Variants in NIPAL2 observed in about 807,000 individuals in gnomAD.
The protein encoded by NIPAL2 is NIPA like domain containing 2.
A neutral mutation model predicts 48.9 loss-of-function variants in NIPAL2; 43 were observed. That is an observed-to-expected ratio of 0.88 (90% confidence interval 0.69 to 1.13). The LOEUF (loss-of-function observed/expected upper bound fraction) is 1.13. NIPAL2 is among the 50% of genes most tolerant of loss of function. The pLI, the probability that NIPAL2 is intolerant of heterozygous loss-of-function variation, is 0.00. For synonymous variants in NIPAL2, 167 were observed against 174.6 expected, an observed-to-expected ratio of 0.96 and a Z score of 0.34; for missense variants, 446 against 461.4, an observed-to-expected ratio of 0.97 and a Z score of 0.31.
intron 7 of NIPAL2, 128 bp downstream of exon 7, chr8:98,204,983 C>T: frequency 1.0e-6 from 1 of 995,266 alleles, no homozygotes; most frequent in Non-Finnish European, 1.5e-6. Context: ...TGAGGACAAG[C>T]TACAGGCCCT....
intron 3 of NIPAL2, among the ~76,000 whole-genome samples, chr8:98,243,402 T>C (rs527867932): frequency 1.3e-5 from 2 of 152,156 alleles, no homozygotes; most frequent in East Asian, 1.9e-4. Context: ...TTCCAAACCA[T>C]GTCTAGATGT....
At chr8:98,243,821 T>C (rs940131027) in intron 3 of NIPAL2, among the ~76,000 whole-genome samples, 3 of 152,340 alleles carry the variant, frequency 2.0e-5, no homozygotes, top group Non-Finnish European at 2.9e-5. Context: ...AAGAGGTAAA[T>C]GGGCATTCCC....
rs942147008 is a variant in NIPAL2 at position 98,191,332 on chromosome 8, G to A, written c.*1646C>T. ...AGGACCAATATGCTGGACCAATTCGGTAAAATACACCATAAATTATGACTG... is the reference window on the plus strand; with the variant it reads ...AGGACCAATATGCTGGACCAATTCGATAAAATACACCATAAATTATGACTG... On this transcript the variant is annotated 3_prime_UTR_variant, in exon 11 of 11. Coordinates refer to ENST00000430223, the MANE Select transcript of NIPAL2 (RefSeq NM_001321635.2). 2 of 152,196 alleles carry A rather than the reference G, an allele frequency of 1.3e-5. No homozygotes were observed. Among genetic ancestry groups the A allele is most frequent in the African/African-American group, 4.8e-5 (2 of 41,444 alleles). The allele number at this position is 152,196 out of a possible 1,614,324, so 9.4% of individuals were successfully genotyped here. A position where few individuals can be genotyped will look rare whatever the true frequency, so the allele number is the denominator to read the frequency against.
At chr8:98,202,067 T>C (rs1222729748) in intron 8 of NIPAL2, among the ~76,000 whole-genome samples, 2 of 152,206 alleles carry the variant, frequency 1.3e-5, no homozygotes, top group Non-Finnish European at 2.9e-5. Flanking sequence ...AAATCAACTG[T>C]TTTTGGTTTG....
intron 1 of NIPAL2, among the ~76,000 whole-genome samples, chr8:98,279,624 G>T (rs890974107): frequency 6.6e-6 from 1 of 152,120 alleles, no homozygotes. Context: ...TGAGCCCAAG[G>T]CACCCAGGTC....
intron 4 of NIPAL2, among the ~76,000 whole-genome samples, chr8:98,229,669 T>A (rs1222831634): frequency 6.6e-6 from 1 of 152,220 alleles, no homozygotes; most frequent in Non-Finnish European, 1.5e-5. Flanking sequence ...TGAGCCACTA[T>A]GCCCAGCCAG....
intron 6 of NIPAL2, among the ~76,000 whole-genome samples, chr8:98,205,880 T>C (rs762893101): frequency 6.6e-6 from 1 of 152,222 alleles, no homozygotes; most frequent in South Asian, 2.1e-4. Flanking sequence ...GAGTTGAGTA[T>C]TCATTTCTCA....
At chr8:98,265,635 G>A (rs2130864031) in intron 1 of NIPAL2, among the ~76,000 whole-genome samples, 1 of 138,992 alleles carries the variant, frequency 7.2e-6, no homozygotes, top group East Asian at 2.0e-4. Context: ...GGAAACAACA[G>A]GTGCTGGAGA....
In NIPAL2 at chr8:98,191,176, C is replaced by G. The variant is rs1229080668; in HGVS notation, c.*1802G>C. ...GTGCTGAAAATCTCATGCACTCTAG[C>G]TATGAATGCAGGTCTACTTGAAGCA... On this transcript the variant is annotated 3_prime_UTR_variant, in exon 11 of 11. Coordinates refer to ENST00000430223, the MANE Select transcript of NIPAL2 (RefSeq NM_001321635.2). 1 of 152,186 alleles carries G rather than the reference C, an allele frequency of 6.6e-6. No individual in the cohort carries two copies. Among genetic ancestry groups the G allele is most frequent in the African/African-American group, 2.4e-5 (1 of 41,446 alleles). The allele number at this position is 152,186 out of a possible 1,614,324, so 9.4% of individuals were successfully genotyped here.
chr8:98,267,326 C>T (rs1412665173), intron 1 of NIPAL2, among the ~76,000 whole-genome samples: 2 of 150,416 alleles, frequency 1.3e-5, no homozygotes, highest in East Asian at 1.9e-4. Context: ...ATTCTATTTT[C>T]CTTTTTTTTT....
intron 2 of NIPAL2, among the ~76,000 whole-genome samples, chr8:98,253,299 TC>T (rs1183966267): frequency 2.0e-5 from 3 of 152,186 alleles, no homozygotes; most frequent in Non-Finnish European, 4.4e-5. Flanking sequence ...TGCAATGCAT[TC>T]CCTGAGGATA....
chr8:98,210,359 C>G (rs1036933811), intron 6 of NIPAL2, among the ~76,000 whole-genome samples: 1 of 152,122 alleles, frequency 6.6e-6, no homozygotes, highest in African/African-American at 2.4e-5. Context: ...CTTTGCACAG[C>G]TGCAGTTTAA....
At position 98,192,086 on chromosome 8, in the gene NIPAL2, T is replaced by C. The variant is rs1810324330; in HGVS notation, c.*892A>G. The C allele has an allele frequency of 6.6e-6, 1 of 152,206 alleles. No individual in the cohort carries two copies. Among genetic ancestry groups the C allele is most frequent in the South Asian group, 2.1e-4 (1 of 4,830 alleles). 9.4% of individuals were successfully genotyped at this position (152,206 alleles called of 1,614,324 possible). On this transcript the variant is annotated 3_prime_UTR_variant, in exon 11 of 11. Transcript: ENST00000430223. ...TCCACTTGATAAATTATAAGATCTA[T>C]AAAAAAGACATAGGATATTAAATTT...
chr8:98,255,260 T>C (rs1169389089), intron 1 of NIPAL2, among the ~76,000 whole-genome samples: 1 of 152,202 alleles, frequency 6.6e-6, no homozygotes, highest in Non-Finnish European at 1.5e-5. Flanking sequence ...AAAGATGCAT[T>C]TGTTGCTCCC....
chr8:98,221,475 G>A (rs534460041), intron 5 of NIPAL2, among the ~76,000 whole-genome samples: 1 of 151,818 alleles, frequency 6.6e-6, no homozygotes, highest in Non-Finnish European at 1.5e-5. Context: ...TTTTATATTG[G>A]TTGAGAGTAC....
chr8:98,268,545 C>T (rs62524194), intron 1 of NIPAL2, among the ~76,000 whole-genome samples: 5 of 151,114 alleles, frequency 3.3e-5, no homozygotes, highest in African/African-American at 7.3e-5. Flanking sequence ...TGCTTGAACC[C>T]GAGAGGTGGA....
rs1285429682 is a variant in NIPAL2, at chr8:98,236,345, T to C, written c.377-131A>G. The C allele has an allele frequency of 7.0e-6, 4 of 575,228 alleles. No individual in the cohort carries two copies. In the African/African-American group the frequency reaches 7.9e-5, roughly 11 times the overall value. 35.6% of individuals were successfully genotyped at this position (575,228 alleles called of 1,614,324 possible). A position where few individuals can be genotyped will look rare whatever the true frequency, so the allele number is the denominator to read the frequency against. ...TGTCCTGATCAGAGACATTCAGCAG[T>C]TGTGGCTATAAAAAGGCCTTTCTTC... is the stretch of plus-strand genomic sequence containing the variant. On this transcript the variant is annotated intron_variant, in intron 3 of 10. Transcript: ENST00000430223.
chr8:98,244,856 C>G (rs532017727), intron 3 of NIPAL2, among the ~76,000 whole-genome samples: 1 of 152,242 alleles, frequency 6.6e-6, no homozygotes, highest in Non-Finnish European at 1.5e-5. Context: ...AAAACATGGG[C>G]CAACTCTGGT....
chr8:98,205,149 C>T lies in NIPAL2; in HGVS notation c.753G>A (p.Met251Ile), dbSNP rs148824821. 2.0e-5 allele frequency: 33 copies of T among 1,613,632 alleles called. No individual in the cohort carries two copies. Among genetic ancestry groups the T allele is most frequent in the South Asian group, 1.3e-4 (12 of 91,054 alleles). Residue 251 changes from methionine (M) to isoleucine (I), a missense_variant, in exon 7 of 11, where the codon ATG (methionine) becomes ATA (isoleucine). Transcript: ENST00000430223. ...CACAAGATGCTATCATGATGATAAA[C>T]ATGATATAGAAAATGGGGTAAGTTA... The part of the protein sequence containing the change: ...MQLTYPIFYI[M>I]FIIMIASCVF...
Sources: allele counts gnomAD v4.1 joint callset (sites outside exome capture counted in the v4.1 genomes callset), GRCh38; gene constraint gnomAD v4.1.1; transcripts MANE v1.5; gene names NCBI Gene and HGNC (gene_info 2026-07-23, HGNC 2026-07-21).